Variants in RBFOX1 observed in about 807,000 individuals in gnomAD.
RBFOX1 encodes RNA binding protein fox-1 homolog 1.
A neutral mutation model predicts 57.7 loss-of-function variants in RBFOX1; 8 were observed. That is an observed-to-expected ratio of 0.14 (90% confidence interval 0.08 to 0.25). The LOEUF is 0.25. Ranked by LOEUF, RBFOX1 falls within the 10% of genes least tolerant of loss-of-function variation. RBFOX1 has a pLI of 1.00. For synonymous variants in RBFOX1, 326 were observed against 222.4 expected (o/e 1.47, Z -4.15); for missense variants, 611 against 548.5 (o/e 1.11, Z -1.14).
intron 4 of RBFOX1, among the ~76,000 whole-genome samples, chr16:7,252,710 T>A (rs912884283): frequency 7.5e-4 from 114 of 151,870 alleles, no homozygotes; most frequent in South Asian, 1.9e-3. Context: ...TTTTTTTTTT[T>A]AAATTTGAGT....
intron 4 of RBFOX1, among the ~76,000 whole-genome samples, chr16:7,504,755 T>A (rs7404337): frequency 0.057 from 545 of 9,512 alleles, 14 homozygotes; most frequent in Middle Eastern, 0.14. Context: ...ATATATATAT[T>A]TATATATATA....
chr16:7,206,955 T>TA (rs1370427249), intron 4 of RBFOX1, among the ~76,000 whole-genome samples: 2 of 152,212 alleles, frequency 1.3e-5, no homozygotes, highest in Non-Finnish European at 2.9e-5. Context: ...TAGTCCCACT[T>TA]ACAGTGCACA....
chr16:5,818,393 C>G (rs965879693), intron 3 of RBFOX1, among the ~76,000 whole-genome samples: 7 of 152,148 alleles, frequency 4.6e-5, no homozygotes, highest in Non-Finnish European at 8.8e-5. Flanking sequence ...ACCATTGTGT[C>G]CTATTTCCTG....
intron 3 of RBFOX1, among the ~76,000 whole-genome samples, chr16:7,002,624 A>C (rs1388445867): frequency 1.3e-5 from 2 of 152,178 alleles, no homozygotes; most frequent in African/African-American, 4.8e-5. Flanking sequence ...AGGCAGGAGA[A>C]TCGCTTGAAC....
chr16:6,344,104 T>C (rs1367197640), intron 2 of RBFOX1, among the ~76,000 whole-genome samples: 1 of 152,150 alleles, frequency 6.6e-6, no homozygotes, highest in Non-Finnish European at 1.5e-5. Context: ...TGTTGGAGGA[T>C]CAATGTCTAG....
At chr16:5,848,851 A>G (rs948822219) in intron 3 of RBFOX1, among the ~76,000 whole-genome samples, 2 of 152,074 alleles carry the variant, frequency 1.3e-5, no homozygotes, top group Non-Finnish European at 2.9e-5. Context: ...TGGGAGGCTG[A>G]GGCAGGAGAA....
At chr16:7,007,134 C>T (rs1568340693) in intron 3 of RBFOX1, among the ~76,000 whole-genome samples, 1 of 152,138 alleles carries the variant, frequency 6.6e-6, no homozygotes, top group Non-Finnish European at 1.5e-5. Flanking sequence ...GGGAAGAGTC[C>T]ATTTTCAAAC....
chr16:5,894,849 G>A (rs535483583), intron 4 of RBFOX1, among the ~76,000 whole-genome samples: 3 of 151,816 alleles, frequency 2.0e-5, no homozygotes, highest in South Asian at 2.1e-4. Context: ...GTGAAACCCC[G>A]TCTCTACTAA....
At chr16:7,242,073 A>G (rs1034223723) in intron 4 of RBFOX1, among the ~76,000 whole-genome samples, 1 of 152,146 alleles carries the variant, frequency 6.6e-6, no homozygotes, top group African/African-American at 2.4e-5. Flanking sequence ...AGTGATAACA[A>G]TAATTGAAAA....
chr16:6,409,554 C>A (rs1596768176), intron 2 of RBFOX1, among the ~76,000 whole-genome samples: 1 of 152,054 alleles, frequency 6.6e-6, no homozygotes, highest in Non-Finnish European at 1.5e-5. Flanking sequence ...TGATAATATA[C>A]CTCCATGAAA....
chr16:6,643,987 G>A (rs911771396), intron 2 of RBFOX1, among the ~76,000 whole-genome samples: 2 of 152,208 alleles, frequency 1.3e-5, no homozygotes, highest in South Asian at 2.1e-4. Context: ...ATAGCCAGAC[G>A]TGGTAGCATG....
intron 2 of RBFOX1, among the ~76,000 whole-genome samples, chr16:6,350,621 A>G (rs1171357709): frequency 6.6e-6 from 1 of 152,080 alleles, no homozygotes; most frequent in East Asian, 1.9e-4. Flanking sequence ...TCTATGAAAG[A>G]CCTTTTACTA....
chr16:6,581,684 C>T (rs180710207), intron 2 of RBFOX1, among the ~76,000 whole-genome samples: 2 of 152,298 alleles, frequency 1.3e-5, no homozygotes, highest in Non-Finnish European at 2.9e-5. Context: ...GGGGGCCTCC[C>T]TCATGGGTTC....
intron 4 of RBFOX1, among the ~76,000 whole-genome samples, chr16:5,959,269 C>T (rs1183564340): frequency 1.3e-5 from 2 of 152,170 alleles, no homozygotes; most frequent in Admixed American, 1.3e-4. Flanking sequence ...GCCTTGAGAA[C>T]CAATAGAACA....
At chr16:7,076,396 A>G (rs964041554) in intron 4 of RBFOX1, among the ~76,000 whole-genome samples, 6 of 152,110 alleles carry the variant, frequency 3.9e-5, no homozygotes, top group African/African-American at 1.4e-4. Context: ...GTCTTTGTCA[A>G]AACCAGCAAA....
At chr16:7,002,987 C>T (rs949179679) in intron 3 of RBFOX1, among the ~76,000 whole-genome samples, 1 of 151,754 alleles carries the variant, frequency 6.6e-6, no homozygotes, top group African/African-American at 2.4e-5. Flanking sequence ...CAGTTATTTT[C>T]TCCAAACTAT....
intron 4 of RBFOX1, among the ~76,000 whole-genome samples, chr16:7,059,047 G>C (rs931351202): frequency 1.3e-5 from 2 of 152,140 alleles, no homozygotes; most frequent in African/African-American, 4.8e-5. Context: ...TCTCATTTCT[G>C]CTAGATATGA....
chr16:7,397,592 C>G (rs749212570), intron 4 of RBFOX1, among the ~76,000 whole-genome samples: 5 of 152,116 alleles, frequency 3.3e-5, no homozygotes, highest in Non-Finnish European at 4.4e-5. Flanking sequence ...AATGGAAGGA[C>G]ACTAAAATCA....
chr16:7,102,062 C>G (rs2062790940), intron 4 of RBFOX1, among the ~76,000 whole-genome samples: 1 of 152,148 alleles, frequency 6.6e-6, no homozygotes, highest in Non-Finnish European at 1.5e-5. Context: ...CTGGCCCCAC[C>G]CAGAGGAGGG....
Sources: allele counts gnomAD v4.1 joint callset (sites outside exome capture counted in the v4.1 genomes callset), GRCh38; gene constraint gnomAD v4.1.1; transcripts MANE v1.5; gene names NCBI Gene and HGNC (gene_info 2026-07-23, HGNC 2026-07-21).